Variants in KHDRBS2 observed in about 807,000 individuals in gnomAD.
The protein encoded by KHDRBS2 is KH RNA binding domain containing, signal transduction associated 2.
KHDRBS2 carries 26 observed loss-of-function variants against 44.3 expected under a neutral mutation model. That is an observed-to-expected ratio of 0.59 (90% CI 0.43 to 0.81). KHDRBS2 has a LOEUF of 0.81. Among genes scored for constraint, KHDRBS2 ranks in the 40% least tolerant of loss-of-function variants. The pLI, the probability that KHDRBS2 is intolerant of heterozygous loss-of-function variation, is 0.00. For synonymous variants in KHDRBS2, 194 were observed against 151.1 expected, an observed-to-expected ratio of 1.28 and a Z score of -2.08; for missense variants, 476 against 433.1, an observed-to-expected ratio of 1.10 and a Z score of -0.88.
chr6:62,035,796 T>C (rs906474952), intron 3 of KHDRBS2, among the ~76,000 whole-genome samples: 4 of 151,938 alleles, frequency 2.6e-5, no homozygotes, highest in Non-Finnish European at 5.9e-5. Flanking sequence ...ACAATTAAAG[T>C]AAAAACATTT....
chr6:62,171,382 T>C, intron 2 of KHDRBS2, among the ~76,000 whole-genome samples: 1 of 146,396 alleles, frequency 6.8e-6, no homozygotes, highest in East Asian at 2.0e-4. Context: ...AGACAAAAAT[T>C]AAAAAAAAAA....
intron 2 of KHDRBS2, among the ~76,000 whole-genome samples, chr6:62,088,923 G>A (rs1264377543): frequency 3.9e-5 from 6 of 152,194 alleles, no homozygotes; most frequent in Non-Finnish European, 1.5e-5. Flanking sequence ...TCTGACTAGA[G>A]AGGAGGAATC....
At chr6:62,082,310 G>GGTGTGTGTGTGTGT (rs142069290) in intron 2 of KHDRBS2, among the ~76,000 whole-genome samples, 8 of 149,038 alleles carry the variant, frequency 5.4e-5, no homozygotes, top group East Asian at 2.0e-4. Context: ...AATACACACT[G>GGTGTGTGTGTGTGT]GTGTGTGTGT....
chr6:62,035,678 G>A (rs1214054742), intron 3 of KHDRBS2, among the ~76,000 whole-genome samples: 4 of 151,982 alleles, frequency 2.6e-5, no homozygotes, highest in Admixed American at 6.6e-5. Context: ...AAGGATAAAT[G>A]CCTTAGGCGA....
At chr6:61,749,912 A>C (rs1282528175) in intron 6 of KHDRBS2, among the ~76,000 whole-genome samples, 1 of 152,176 alleles carries the variant, frequency 6.6e-6, no homozygotes, top group Admixed American at 6.6e-5. Context: ...TGTTATTTTA[A>C]AGAAGAATCT....
the KHDRBS2 span, among the ~76,000 whole-genome samples, chr6:61,596,285 C>A: frequency 6.6e-6 from 1 of 152,220 alleles, no homozygotes; most frequent in African/African-American, 2.4e-5. Context: ...GATCTTAAGA[C>A]TGCTAACAGG....
chr6:62,063,643 G>A (rs1792683504), intron 2 of KHDRBS2, among the ~76,000 whole-genome samples: 1 of 149,240 alleles, frequency 6.7e-6, no homozygotes, highest in Non-Finnish European at 1.5e-5. Flanking sequence ...AATAATAAGA[G>A]CTATCTATGA....
chr6:62,119,214 A>T (rs1309227395), intron 2 of KHDRBS2, among the ~76,000 whole-genome samples: 1 of 152,182 alleles, frequency 6.6e-6, no homozygotes, highest in African/African-American at 2.4e-5. Context: ...GTTTAGAGGG[A>T]TATGCAAAAT....
intron 6 of KHDRBS2, among the ~76,000 whole-genome samples, chr6:61,748,699 T>C (rs1272292402): frequency 6.6e-6 from 1 of 152,158 alleles, no homozygotes; most frequent in Non-Finnish European, 1.5e-5. Flanking sequence ...ATTATTCTAT[T>C]AACTATTTAT....
chr6:62,276,594 T>C lies in KHDRBS2; in HGVS notation c.91+9264A>G, dbSNP rs1270540698. The stretch of plus-strand genomic sequence containing the variant: ...GTCATTCAGAAAATGTAGTAGGCTG[T>C]CTTGATGATCCTTAATTCAATTCTA... On this transcript the variant is annotated intron_variant, in intron 1 of 8. Transcript: ENST00000281156. Among the ~76,000 whole-genome samples the C allele has an allele frequency of 5.3e-5, 8 of 152,340 alleles. No homozygotes were observed. In the East Asian group the frequency reaches 1.3e-3, roughly 26 times the overall value.
chr6:61,879,819 T>G (rs1379306850), intron 6 of KHDRBS2, among the ~76,000 whole-genome samples: 1 of 151,832 alleles, frequency 6.6e-6, no homozygotes, highest in Non-Finnish European at 1.5e-5. Flanking sequence ...TAAGTTCATC[T>G]TTATCTTCTC....
intron 4 of KHDRBS2, among the ~76,000 whole-genome samples, chr6:61,903,467 T>C (rs532730389): frequency 1.5e-3 from 223 of 152,254 alleles, no homozygotes; most frequent in African/African-American, 5.2e-3. Flanking sequence ...TATAAGAATG[T>C]AGATATGATC....
At chr6:61,785,149 T>TA (rs869184756) in intron 6 of KHDRBS2, among the ~76,000 whole-genome samples, 2 of 125,904 alleles carry the variant, frequency 1.6e-5, no homozygotes, top group Admixed American at 7.8e-5. Flanking sequence ...GACCTTGTCC[T>TA]AAAAAAACAA....
chr6:61,964,234 A>G (rs986214826), intron 4 of KHDRBS2, among the ~76,000 whole-genome samples: 2 of 152,092 alleles, frequency 1.3e-5, no homozygotes, highest in African/African-American at 4.8e-5. Flanking sequence ...GCCCACACAT[A>G]TATATGTTGT....
At chr6:62,208,667 A>G (rs1225010960) in intron 1 of KHDRBS2, among the ~76,000 whole-genome samples, 1 of 152,130 alleles carries the variant, frequency 6.6e-6, no homozygotes, top group Non-Finnish European at 1.5e-5. Flanking sequence ...ACTGTTTTCC[A>G]TAATGGCTGT....
chr6:62,079,718 A>C (rs1260623062), intron 2 of KHDRBS2, among the ~76,000 whole-genome samples: 6 of 152,106 alleles, frequency 3.9e-5, no homozygotes, highest in Non-Finnish European at 1.5e-5. Flanking sequence ...TAATATAATT[A>C]GAGAAATATT....
chr6:62,041,450 A>C (rs1292691852), intron 3 of KHDRBS2, among the ~76,000 whole-genome samples: 1 of 152,148 alleles, frequency 6.6e-6, no homozygotes, highest in Non-Finnish European at 1.5e-5. Flanking sequence ...AAATTGTAAA[A>C]TGTCTAAAAA....
chr6:61,890,837 C>T (rs1160929582), intron 6 of KHDRBS2, among the ~76,000 whole-genome samples: 7 of 151,980 alleles, frequency 4.6e-5, no homozygotes, highest in Admixed American at 4.6e-4. Flanking sequence ...ATTTCTGTTT[C>T]TGGTTTTGCA....
chr6:61,616,250 C>T, the KHDRBS2 span, among the ~76,000 whole-genome samples: 1 of 152,040 alleles, frequency 6.6e-6, no homozygotes, highest in Non-Finnish European at 1.5e-5. Flanking sequence ...TTAAAATACA[C>T]TATTAGCCTC....
Sources: gnomAD v4.1 joint callset for allele counts (sites outside exome capture counted in the v4.1 genomes callset) on GRCh38, gnomAD v4.1.1 for gene constraint, MANE v1.5 for transcripts, NCBI Gene and HGNC (gene_info 2026-07-23, HGNC 2026-07-21) for gene names.